The following ZNF337 variants were observed in gnomAD, a reference collection of about 807,000 sequenced individuals.
ZNF337 encodes zinc finger protein 337.
A neutral mutation model predicts 12.1 loss-of-function variants in ZNF337; 8 were observed. That is an observed-to-expected ratio of 0.66 (90% CI 0.39 to 1.19). The LOEUF (loss-of-function observed/expected upper bound fraction) is 1.19. Among genes scored for constraint, ZNF337 ranks in the 50% most tolerant of loss-of-function variants. The pLI is 0.01. For synonymous variants in ZNF337, 336 were observed against 320.0 expected (o/e 1.05, Z -0.53); for missense variants, 882 against 896.6 (o/e 0.98, Z 0.21).
chr20:25,676,243 T>C lies in ZNF337; in HGVS notation c.1045A>G (p.Arg349Gly), dbSNP rs546007431. The part of the protein sequence containing the change: ...KRIHSGEKPY[R>G]CQECGRGFSN... Reference sequence around the variant, plus strand: ...AAGCCTCGGCCACACTCCTGGCATCTGTAAGGCTTCTCTCCTGAGTGTATT... The same window carrying C: ...AAGCCTCGGCCACACTCCTGGCATCCGTAAGGCTTCTCTCCTGAGTGTATT... Residue 349 changes from arginine (R) to glycine (G), a missense_variant, in exon 5 of 5, where the codon AGA (arginine) becomes GGA (glycine). By Grantham distance (125) the Arg-to-Gly change is moderately radical. Coordinates refer to ENST00000252979, the MANE Select transcript of ZNF337 (RefSeq NM_015655.4). 14 of 1,612,680 alleles carry C rather than the reference T, an allele frequency of 8.7e-6. No individual in the cohort carries two copies. The highest frequency in any genetic ancestry group is 1.2e-5 in the Non-Finnish European group (14 of 1,179,696).
chr20:25,685,592 TCTC>T lies in ZNF337; in HGVS notation c.222_224del (p.Arg78del), dbSNP rs1014687600. ...CTGCACAGGGGCCTGGCCGGCGTCT[TCTC>T]TCTTCTCCCCAGGGCACTTCCCCTT... On this transcript the variant is annotated inframe_deletion, in exon 4 of 5. Coordinates refer to ENST00000252979, the MANE Select transcript of ZNF337 (RefSeq NM_015655.4). 9 of 1,614,040 alleles carry T rather than the reference TCTC, an allele frequency of 5.6e-6. No individual in the cohort carries two copies. In the African/African-American group the frequency reaches 1.2e-4, roughly 22 times the overall value.
chr20:25,684,725 C>T (rs1352092424), intron 4 of ZNF337, among the ~76,000 whole-genome samples: 1 of 152,130 alleles, frequency 6.6e-6, no homozygotes, highest in Non-Finnish European at 1.5e-5. Context: ...GGAACCAACC[C>T]AAATGCCCAT....
chr20:25,687,781 A>T (rs2122442297), intron 1 of ZNF337, among the ~76,000 whole-genome samples: 1 of 152,376 alleles, frequency 6.6e-6, no homozygotes, highest in East Asian at 1.9e-4. Flanking sequence ...ACTGAGTGTG[A>T]GATGAATGCA....
chr20:25,689,054 G>A (rs1479119256), intron 1 of ZNF337, among the ~76,000 whole-genome samples: 3 of 151,428 alleles, frequency 2.0e-5, no homozygotes, highest in Admixed American at 6.6e-5. Flanking sequence ...GGAGAATGGC[G>A]TGAACCCGGG....
In ZNF337 at chr20:25,674,996, C is replaced by T. The variant is rs550771657; in HGVS notation, c.*36G>A. On this transcript the variant is annotated 3_prime_UTR_variant, in exon 5 of 5. Coordinates refer to ENST00000252979, the MANE Select transcript of ZNF337 (RefSeq NM_015655.4). ...CTTGTAACAAAGCAAAGTTACTCTC[C>T]TGAGTGTGTCCTCTGATGGATGGTG... 3.1e-4 allele frequency: 498 copies of T among 1,580,996 alleles called. 2 individuals carry two copies. The highest frequency in any genetic ancestry group is 6.3e-4 in the Admixed American group (37 of 58,312).
chr20:25,685,899 A>T, intron 3 of ZNF337, 97 bp downstream of exon 3: 1 of 1,509,600 alleles, frequency 6.6e-7, no homozygotes, highest in African/African-American at 1.4e-5. Context: ...TCCTCAGGGG[A>T]ATAGAGAAAA....
chr20:25,696,807 C>G lies in ZNF337; in HGVS notation c.-98G>C, dbSNP rs868711861. 1.0e-6 allele frequency: 1 copy of G among 985,532 alleles called. No individual in the cohort carries two copies. 61.0% of individuals were successfully genotyped at this position (985,532 alleles called of 1,614,324 possible). A position where few individuals can be genotyped will look rare whatever the true frequency, so the allele number is the denominator to read the frequency against. ...GGCGGTGAGGTCACCGATGGTGGAC[C>G]ACGCATCTCACGGCTCGCTGACGCC... On this transcript the variant is annotated 5_prime_UTR_variant, in exon 1 of 5. Transcript: ENST00000252979.
At chr20:25,687,756 G>A (rs1243740911) in intron 1 of ZNF337, among the ~76,000 whole-genome samples, 1 of 152,240 alleles carries the variant, frequency 6.6e-6, no homozygotes, top group Non-Finnish European at 1.5e-5. Context: ...CGTATCTTAT[G>A]TAAAGTGCTG....
chr20:25,696,811 C>T lies in ZNF337; in HGVS notation c.-102G>A, dbSNP rs540343942. ...GTGAGGTCACCGATGGTGGACCACG[C>T]ATCTCACGGCTCGCTGACGCCCAGG... On this transcript the variant is annotated 5_prime_UTR_variant, in exon 1 of 5. It removes an upstream start codon present in the reference 5' UTR. Transcript: ENST00000252979. 26 of 985,426 alleles carry T rather than the reference C, an allele frequency of 2.6e-5. No individual in the cohort carries two copies. The highest frequency in any genetic ancestry group is 6.1e-5 in the Admixed American group (1 of 16,274). The allele number at this position is 985,426 out of a possible 1,614,324, so 61.0% of individuals were successfully genotyped here.
At chr20:25,688,008 T>C (rs747702250) in intron 1 of ZNF337, among the ~76,000 whole-genome samples, 1 of 152,238 alleles carries the variant, frequency 6.6e-6, no homozygotes, top group Non-Finnish European at 1.5e-5. Flanking sequence ...TTACATGTAG[T>C]TGGAGAAGAA....
At position 25,685,649 on chromosome 20, in the gene ZNF337, A is replaced by T; in HGVS notation, c.168T>A (p.Ser56=). The T allele has an allele frequency of 6.2e-7, 1 of 1,614,092 alleles. No homozygotes were observed. The highest frequency in any genetic ancestry group is 8.5e-7 in the Non-Finnish European group (1 of 1,180,010). The change falls in exon 4 of 5, where the codon TCT becomes TCA. Residue 56 remains serine (S), a synonymous_variant. Transcript: ENST00000252979. ...SHLVSLGILH[S]KPELIRRLEQ... ...CTAGCCGCCTGATGAGTTCTGGTTTAGAATGGAGAATTCCTGCTCACAGGG... is the reference window on the plus strand; with the variant it reads ...CTAGCCGCCTGATGAGTTCTGGTTTTGAATGGAGAATTCCTGCTCACAGGG...
Position 25,675,045 on chromosome 20 carries a change from T to C in ZNF337, c.2243A>G (p.Glu748Gly). Residue 748 changes from glutamate (E) to glycine (G), a missense_variant, in exon 5 of 5, where the codon GAG (glutamate) becomes GGG (glycine). By Grantham distance (98) the Glu-to-Gly change is moderately conservative. Coordinates refer to ENST00000252979, the MANE Select transcript of ZNF337 (RefSeq NM_015655.4). ...TGAGATATAACTTCAAGATGAAGCCTCACCCACACTCCCTGTACAAAAACG... is the reference window on the plus strand; with the variant it reads ...TGAGATATAACTTCAAGATGAAGCCCCACCCACACTCCCTGTACAAAAACG... The part of the protein sequence containing the change: ...EKRFCTGSVG[E>G]ASS The C allele has an allele frequency of 2.5e-6, 4 of 1,613,210 alleles. No homozygotes were observed. Among genetic ancestry groups the C allele is most frequent in the Non-Finnish European group, 3.4e-6 (4 of 1,179,476 alleles).
chr20:25,676,440 T>C lies in ZNF337; in HGVS notation c.848A>G (p.Glu283Gly), dbSNP rs2065692464. ...AGGCTTCTCTCCTGTGTGTGTTCTC[T>C]CATGCACAGTGAGGTATGACTTACT... ...YTSKSYLTVHERTHTGEKPYE... is the reference protein window; with the variant it reads ...YTSKSYLTVHGRTHTGEKPYE... Residue 283 changes from glutamate (E) to glycine (G), a missense_variant, in exon 5 of 5, where the codon GAG becomes GGG. Transcript: ENST00000252979. 1.2e-6 allele frequency: 2 copies of C among 1,614,050 alleles called. No homozygotes were observed. The highest frequency in any genetic ancestry group is 1.3e-5 in the African/African-American group (1 of 75,018).
At chr20:25,696,530 C>G (rs1474020568) in intron 1 of ZNF337, among the ~76,000 whole-genome samples, 2 of 152,338 alleles carry the variant, frequency 1.3e-5, no homozygotes, top group East Asian at 1.9e-4. Context: ...CAACCGGGAA[C>G]GGAGACTGAG....
chr20:25,689,037 T>C (rs1460103845), intron 1 of ZNF337, among the ~76,000 whole-genome samples: 2 of 149,344 alleles, frequency 1.3e-5, no homozygotes, highest in Admixed American at 6.8e-5. Context: ...CTCGGGAGGC[T>C]GAGGCAGGAG....
intron 1 of ZNF337, among the ~76,000 whole-genome samples, chr20:25,690,128 A>G (rs2065872344): frequency 6.6e-6 from 1 of 151,904 alleles, no homozygotes. Context: ...TCTACAAAAA[A>G]TATAAACATT....
chr20:25,685,910 C>A, intron 3 of ZNF337, 86 bp downstream of exon 3: 1 of 1,529,596 alleles, frequency 6.5e-7, no homozygotes, highest in African/African-American at 1.4e-5. Flanking sequence ...ATAGAGAAAA[C>A]AACATTCTTG....
At position 25,675,795 on chromosome 20, in the gene ZNF337, C is replaced by T. The variant is rs766155224; in HGVS notation, c.1493G>A (p.Arg498Gln). 19 of 1,613,630 alleles carry T rather than the reference C, an allele frequency of 1.2e-5. 1 individual carries two copies. Among genetic ancestry groups the T allele is most frequent in the South Asian group, 5.5e-5 (5 of 91,046 alleles). The stretch of plus-strand genomic sequence containing the variant: ...GTGCTTGTTATAGGAGGACTTATCC[C>T]GAAACCTTCGCCCACACTCCCGACA... ...YGCRECGRRF[R>Q]DKSSYNKHLR... is the part of the protein sequence containing the mutation. Residue 498 changes from arginine (R) to glutamine (Q), a missense_variant, in exon 5 of 5, where the codon CGG becomes CAG. By Grantham distance (43) the Arg-to-Gln change is conservative. Coordinates refer to ENST00000252979, the MANE Select transcript of ZNF337 (RefSeq NM_015655.4).
At position 25,696,742 on chromosome 20, in the gene ZNF337, G is replaced by A. The variant is rs1404410589; in HGVS notation, c.-50+17C>T. 9.1e-6 allele frequency: 9 copies of A among 985,310 alleles called. No homozygotes were observed. The highest frequency in any genetic ancestry group is 1.1e-4 in the East Asian group (1 of 8,822). 61.0% of individuals were successfully genotyped at this position (985,310 alleles called of 1,614,324 possible). ...AAGGGCGCGCTGCAGAGAGGGACCCGCAGGAGCGCAGCTCACCGGGGCGGC... is the reference window on the plus strand; with the variant it reads ...AAGGGCGCGCTGCAGAGAGGGACCCACAGGAGCGCAGCTCACCGGGGCGGC... On this transcript the variant is annotated intron_variant, in intron 1 of 4. Coordinates refer to ENST00000252979, the MANE Select transcript of ZNF337 (RefSeq NM_015655.4).
Sources: allele counts gnomAD v4.1 joint callset (sites outside exome capture counted in the v4.1 genomes callset), GRCh38; gene constraint gnomAD v4.1.1; transcripts MANE v1.5; gene names NCBI Gene and HGNC (gene_info 2026-07-23, HGNC 2026-07-21).